The following UGT2A1 variants were observed in gnomAD, a reference collection of about 807,000 sequenced individuals.
The protein encoded by UGT2A1 is UDP-glucuronosyltransferase 2A1.
A neutral mutation model predicts 45.4 loss-of-function variants in UGT2A1; 61 were observed. That is an observed-to-expected ratio of 1.34 (90% CI 1.09 to 1.66). The LOEUF (loss-of-function observed/expected upper bound fraction) is 1.66. UGT2A1 is among the 40% of genes most tolerant of loss of function. The probability of loss-of-function intolerance (pLI) is 0.00; values close to 1 mark genes in which losing one functional copy is unlikely to be tolerated. For synonymous variants in UGT2A1, 229 were observed against 196.2 expected (o/e 1.17, Z -1.40); for missense variants, 649 against 574.3 (o/e 1.13, Z -1.33).
At chr4:69,592,395 G>C (rs1044071866) in intron 6 of UGT2A1, among the ~76,000 whole-genome samples, 2 of 151,916 alleles carry the variant, frequency 1.3e-5, no homozygotes, top group African/African-American at 4.8e-5. Flanking sequence ...AAAAATAAAT[G>C]AGAAACTAAA....
Position 69,589,344 on chromosome 4 carries a change from A to AAT in UGT2A1, c.*26_*27dup, listed in dbSNP as rs961495032. The AAT allele has an allele frequency of 1.5e-5, 24 of 1,569,996 alleles. No homozygotes were observed. The highest frequency in any genetic ancestry group is 2.1e-5 in the Non-Finnish European group (24 of 1,159,394). ...TACTCAGGATTTTGCCAAACTTAAA[A>AAT]ATATATATATTTCCTCTTTTTCTTG... On this transcript the variant is annotated 3_prime_UTR_variant, in exon 7 of 7. Coordinates refer to ENST00000286604, the MANE Select transcript of UGT2A1 (RefSeq NM_001252275.3).
At chr4:69,606,219 C>T (rs149968610) in intron 3 of UGT2A1, among the ~76,000 whole-genome samples, 24,616 of 135,088 alleles carry the variant, frequency 0.18, 5,888 homozygotes, top group Non-Finnish European at 0.22. Context: ...AAAAAGCTTA[C>T]CCACCATGAT....
chr4:69,627,427 A>G (rs1421437024), intron 3 of UGT2A1, among the ~76,000 whole-genome samples: 1 of 151,680 alleles, frequency 6.6e-6, no homozygotes, highest in East Asian at 1.9e-4. Context: ...AAAATTCCAA[A>G]TAAGAAATAT....
intron 3 of UGT2A1, chr4:69,599,683 T>G (rs1279021946): frequency 1.8e-4 from 42 of 237,570 alleles, no homozygotes; most frequent in Middle Eastern, 1.2e-3. Context: ...AAGAAAGAGG[T>G]AGAAATAAAG....
At chr4:69,598,776 A>T (rs1417944548) in intron 4 of UGT2A1, among the ~76,000 whole-genome samples, 1 of 152,144 alleles carries the variant, frequency 6.6e-6, no homozygotes, top group Non-Finnish European at 1.5e-5. Flanking sequence ...TCTCAAGATT[A>T]AAACCTAAGA....
At position 69,605,052 on chromosome 4, in the gene UGT2A1, A is replaced by G. The variant is rs193043564; in HGVS notation, c.848-5658T>C. On this transcript the variant is annotated intron_variant, in intron 3 of 6. Coordinates refer to ENST00000286604, the MANE Select transcript of UGT2A1 (RefSeq NM_001252275.3). ...ACAAGTATATCCAGGAATTGAACTC[A>G]GCTCTGCACCAAGTAGACCTAATAC... is the stretch of plus-strand genomic sequence containing the variant. Among the ~76,000 whole-genome samples the G allele has an allele frequency of 1.2e-4, 16 of 136,984 alleles. 1 individual carries two copies. The East Asian group carries it at 2.9e-3, about 25-fold the overall frequency. 89.9% of individuals were successfully genotyped at this position (136,984 alleles called of 152,430 possible).
intron 2 of UGT2A1, chr4:69,639,560 A>T (rs1306682840): frequency 6.2e-7 from 1 of 1,612,634 alleles, no homozygotes; most frequent in South Asian, 1.1e-5. Context: ...TCCCACTTAG[A>T]ACAACTTCAG....
intron 2 of UGT2A1, 27 bp from the exon 3 acceptor site, chr4:69,635,849 A>AAAAAAAAAAAAAAAAGAG (rs772370302): frequency 1.7e-5 from 2 of 118,552 alleles, no homozygotes; most frequent in African/African-American, 8.0e-5. Flanking sequence ...AAAAAAAAAA[A>AAAAAAAAAAAAAAAAGAG]AGAGAGAGAG....
At chr4:69,632,406 G>A (rs1230429959) in intron 3 of UGT2A1, among the ~76,000 whole-genome samples, 1 of 151,984 alleles carries the variant, frequency 6.6e-6, no homozygotes, top group Non-Finnish European at 1.5e-5. Flanking sequence ...AAGTTGAGTT[G>A]CTGATGATGC....
intron 6 of UGT2A1, among the ~76,000 whole-genome samples, chr4:69,591,637 C>T (rs1406944088): frequency 2.0e-5 from 3 of 152,080 alleles, no homozygotes; most frequent in Admixed American, 6.5e-5. Flanking sequence ...GAAACAGACT[C>T]TCAGGTTAAA....
chr4:69,617,592 G>C (rs1720478581), intron 3 of UGT2A1, among the ~76,000 whole-genome samples: 2 of 151,652 alleles, frequency 1.3e-5, no homozygotes, highest in Admixed American at 6.6e-5. Context: ...TCAAATTAGG[G>C]CTAGTGCTAT....
chr4:69,626,368 T>C (rs550871789), intron 3 of UGT2A1, among the ~76,000 whole-genome samples: 1 of 151,754 alleles, frequency 6.6e-6, no homozygotes, highest in Admixed American at 6.6e-5. Context: ...AAAAACTATA[T>C]ACATATGTAT....
chr4:69,648,472 G>T (rs1475232092), intron 1 of UGT2A1, among the ~76,000 whole-genome samples: 4 of 151,906 alleles, frequency 2.6e-5, no homozygotes, highest in Non-Finnish European at 4.4e-5. Context: ...ACAGCTACTT[G>T]ACATCTAGAT....
intron 3 of UGT2A1, among the ~76,000 whole-genome samples, chr4:69,608,151 CAA>C (rs1308043470): frequency 6.6e-6 from 1 of 152,100 alleles, no homozygotes; most frequent in Non-Finnish European, 1.5e-5. Flanking sequence ...TTCACAATAG[CAA>C]AGACTTGGAA....
At chr4:69,610,207 T>C (rs1719953948) in intron 3 of UGT2A1, among the ~76,000 whole-genome samples, 1 of 151,816 alleles carries the variant, frequency 6.6e-6, no homozygotes, top group Non-Finnish European at 1.5e-5. Flanking sequence ...AAAATTAAAG[T>C]TCATGAGTCA....
In UGT2A1 at chr4:69,639,374, C is replaced by T. The variant is rs551083221; in HGVS notation, c.716-3552G>A. 12 of 1,613,610 alleles carry T rather than the reference C, an allele frequency of 7.4e-6. No homozygotes were observed. In the East Asian group the frequency reaches 1.6e-4, roughly 21 times the overall value. On this transcript the variant is annotated intron_variant, in intron 2 of 6. Transcript: ENST00000286604. ...GCTCAATTAAGGAATCTATATTGCT[C>T]TTCTTGTAGGAAACAGGTATCACTT... is the stretch of plus-strand genomic sequence containing the variant.
Position 69,645,802 on chromosome 4 carries a change from G to A in UGT2A1, c.715+1128C>T, listed in dbSNP as rs1354731771. On this transcript the variant is annotated intron_variant, in intron 2 of 6. Transcript: ENST00000286604. ...ATTCACTCATTCTTGCGGTTCCGAC[G>A]TCATTAGCATCTTCCTCCATGTCTC... Among the ~76,000 whole-genome samples the A allele has an allele frequency of 5.3e-5, 8 of 151,742 alleles. No homozygotes were observed. In the East Asian group the frequency reaches 7.7e-4, roughly 15 times the overall value.
chr4:69,639,741 A>G, intron 2 of UGT2A1: 1 of 1,132,778 alleles, frequency 8.8e-7, no homozygotes, highest in East Asian at 2.8e-5. Context: ...ACTCAGTCGT[A>G]GGTCAATTGA....
intron 3 of UGT2A1, among the ~76,000 whole-genome samples, chr4:69,619,113 A>G (rs542238677): frequency 4.6e-4 from 70 of 152,070 alleles, no homozygotes; most frequent in African/African-American, 1.7e-3. Context: ...ATTTTAATAT[A>G]CAGGCCACCT....
Sources: allele counts gnomAD v4.1 joint callset (sites outside exome capture counted in the v4.1 genomes callset), GRCh38; gene constraint gnomAD v4.1.1; transcripts MANE v1.5; gene names NCBI Gene and HGNC (gene_info 2026-07-23, HGNC 2026-07-21).